GCNT2: variants seen among roughly 807,000 people sequenced by gnomAD.
GCNT2 encodes glucosaminyl (N-acetyl) transferase 2 (I blood group).
In GCNT2, 34 loss-of-function variants were observed where a neutral mutation model predicts 34.2. That is an observed-to-expected ratio of 1.00 (90% CI 0.76 to 1.32). GCNT2 has a LOEUF of 1.32. GCNT2 is among the 40% of genes most tolerant of loss of function. The pLI, the probability that GCNT2 is intolerant of heterozygous loss-of-function variation, is 0.00. For synonymous variants in GCNT2, 212 were observed against 188.0 expected, an observed-to-expected ratio of 1.13 and a Z score of -1.04; for missense variants, 584 against 489.4, an observed-to-expected ratio of 1.19 and a Z score of -1.82.
chr6:10,530,306 A>C (rs1761423205), intron 3 of GCNT2: 1 of 160,484 alleles, frequency 6.2e-6, no homozygotes, highest in Non-Finnish European at 1.4e-5. Flanking sequence ...CGGAGGTTGC[A>C]ATGAGCCAAG....
In GCNT2 at chr6:10,556,971, A is replaced by G. The variant is rs762230655; in HGVS notation, c.925+27135A>G. 5.6e-6 allele frequency: 9 copies of G among 1,613,934 alleles called. No individual in the cohort carries two copies. In the South Asian group the frequency reaches 9.9e-5, roughly 18 times the overall value. ...CTTTCTGCCTTCGAGGTCTCATGGA[A>G]GTACGTTATCAACACCTGTGGGCAA... On this transcript the variant is annotated intron_variant, in intron 3 of 4. Coordinates refer to ENST00000495262, the MANE Select transcript of GCNT2 (RefSeq NM_145649.5).
chr6:10,555,703 G>T, intron 3 of GCNT2: 1 of 984,996 alleles, frequency 1.0e-6, no homozygotes, highest in Non-Finnish European at 1.2e-6. Flanking sequence ...CCTGGGACAG[G>T]AACTCCTCCT....
rs73721311 is a variant in GCNT2, at chr6:10,528,372, T to C, written c.-281-259T>C. On this transcript the variant is annotated intron_variant, in intron 2 of 4. Transcript: ENST00000495262. The stretch of plus-strand genomic sequence containing the variant: ...ATTGATAGAATATCTCTCCAGGCAG[T>C]ATTCACATGCTTTAAACTGAAGCTC... 1,390 of 173,038 alleles carry C rather than the reference T, an allele frequency of 8.0e-3. 11 individuals carry two copies. The highest frequency in any genetic ancestry group is 0.025 in the Middle Eastern group (8 of 322). 10.7% of individuals were successfully genotyped at this position (173,038 alleles called of 1,614,324 possible).
At chr6:10,523,608 G>C (rs1761031955) in intron 1 of GCNT2, among the ~76,000 whole-genome samples, 2 of 152,060 alleles carry the variant, frequency 1.3e-5, no homozygotes, top group African/African-American at 4.8e-5. Context: ...CCTGAGCTGA[G>C]CACGTTAGGT....
At chr6:10,535,524 C>A (rs1485994256) in intron 3 of GCNT2, among the ~76,000 whole-genome samples, 1 of 152,206 alleles carries the variant, frequency 6.6e-6, no homozygotes, top group Non-Finnish European at 1.5e-5. Flanking sequence ...CTCCCACTTT[C>A]CTCCTGAGTT....
intron 3 of GCNT2, chr6:10,585,787 C>G: frequency 7.0e-7 from 1 of 1,434,652 alleles, no homozygotes; most frequent in Non-Finnish European, 9.1e-7. Context: ...AGGGACGCAC[C>G]GCATCTCCAG....
At chr6:10,562,248 ATC>A (rs1233076420) in intron 3 of GCNT2, among the ~76,000 whole-genome samples, 1 of 152,156 alleles carries the variant, frequency 6.6e-6, no homozygotes, top group Non-Finnish European at 1.5e-5. Context: ...TGGTCCCCCT[ATC>A]TCTCTGCATC....
chr6:10,608,686 AAGAG>A lies in GCNT2; in HGVS notation c.926-12662_926-12659del, dbSNP rs201409190. On this transcript the variant is annotated intron_variant, in intron 3 of 4. Coordinates refer to ENST00000495262, the MANE Select transcript of GCNT2 (RefSeq NM_145649.5). ...ATTGTCTCTAATAAACAAACACAAA[AAGAG>A]AGGCTACCTTAGGGTTTTAACTTTA... Among the ~76,000 whole-genome samples, 1,142 of 152,226 alleles carry A rather than the reference AAGAG, an allele frequency of 7.5e-3. 15 individuals carry two copies. The highest frequency in any genetic ancestry group is 0.026 in the African/African-American group (1,062 of 41,538).
At chr6:10,584,228 C>T (rs1226217621) in intron 3 of GCNT2, among the ~76,000 whole-genome samples, 1 of 152,062 alleles carries the variant, frequency 6.6e-6, no homozygotes, top group Non-Finnish European at 1.5e-5. Flanking sequence ...GAATCTGTGT[C>T]ATAAATAAGT....
intron 3 of GCNT2, among the ~76,000 whole-genome samples, chr6:10,604,062 A>AT (rs1178567344): frequency 6.6e-6 from 1 of 151,224 alleles, no homozygotes; most frequent in African/African-American, 2.4e-5. Flanking sequence ...CGCCCGGCTA[A>AT]TTTTTTTGTA....
intron 1 of GCNT2, among the ~76,000 whole-genome samples, chr6:10,525,157 ACT>A (rs1761126693): frequency 6.6e-6 from 1 of 151,952 alleles, no homozygotes; most frequent in Non-Finnish European, 1.5e-5. Context: ...TTGAGATTAA[ACT>A]CTAAGTGCAG....
chr6:10,524,241 T>G (rs1006191639), intron 1 of GCNT2, among the ~76,000 whole-genome samples: 7 of 150,996 alleles, frequency 4.6e-5, no homozygotes, highest in African/African-American at 1.7e-4. Context: ...TTCTGACACA[T>G]AATCCAGGGC....
intron 3 of GCNT2, among the ~76,000 whole-genome samples, chr6:10,590,613 G>A (rs1386337434): frequency 6.6e-6 from 1 of 151,264 alleles, no homozygotes; most frequent in Non-Finnish European, 1.5e-5. Flanking sequence ...AAGTGCAGTG[G>A]CGCGATCTCA....
intron 3 of GCNT2, chr6:10,558,083 C>T (rs1196585158): frequency 6.6e-6 from 1 of 152,326 alleles, no homozygotes; most frequent in East Asian, 1.9e-4. Flanking sequence ...CTGATACTCC[C>T]CCTCATTGGC....
At chr6:10,547,557 T>A (rs1293037950) in intron 3 of GCNT2, among the ~76,000 whole-genome samples, 1 of 152,250 alleles carries the variant, frequency 6.6e-6, no homozygotes, top group Non-Finnish European at 1.5e-5. Context: ...TAGAGCCTTA[T>A]AATGATGATG....
At chr6:10,611,915 A>T (rs1346945151) in intron 3 of GCNT2, among the ~76,000 whole-genome samples, 2 of 152,158 alleles carry the variant, frequency 1.3e-5, no homozygotes, top group Non-Finnish European at 2.9e-5. Flanking sequence ...CACATTTCAC[A>T]TGCAAATATT....
intron 3 of GCNT2, among the ~76,000 whole-genome samples, chr6:10,536,049 A>G (rs1233931946): frequency 2.6e-5 from 4 of 151,728 alleles, no homozygotes; most frequent in Non-Finnish European, 5.9e-5. Context: ...GTTCCTCTAT[A>G]TGTAAAAATG....
chr6:10,557,270 G>GATTT, intron 3 of GCNT2: 1 of 1,612,584 alleles, frequency 6.2e-7, no homozygotes. Flanking sequence ...ACGGGCTGTT[G>GATTT]ATTTGCTCCA....
chr6:10,574,289 C>T (rs1202335159), intron 3 of GCNT2, among the ~76,000 whole-genome samples: 4 of 152,150 alleles, frequency 2.6e-5, no homozygotes, highest in Non-Finnish European at 5.9e-5. Flanking sequence ...CGGTGGGCAT[C>T]AGGACAACAT....
Sources: gnomAD v4.1 joint callset for allele counts (sites outside exome capture counted in the v4.1 genomes callset) on GRCh38, gnomAD v4.1.1 for gene constraint, MANE v1.5 for transcripts, NCBI Gene and HGNC (gene_info 2026-07-23, HGNC 2026-07-21) for gene names.